The following KCNIP4 variants were observed in gnomAD, a reference collection of about 807,000 sequenced individuals.
KCNIP4 encodes the protein Kv channel-interacting protein 4.
A neutral mutation model predicts 34.0 loss-of-function variants in KCNIP4; 12 were observed. The ratio of observed to expected loss-of-function variants is 0.35; its 90% CI spans 0.23 to 0.57. The LOEUF is 0.57. Among genes scored for constraint, KCNIP4 ranks in the 20% least tolerant of loss-of-function variants. The pLI is 0.83. For missense variants in KCNIP4, 238 were observed against 311.7 expected (o/e 0.76, Z 1.78); for synonymous variants, 124 against 102.2 (o/e 1.21, Z -1.29).
Position 21,405,747 on chromosome 4 carries a change from G to A in KCNIP4, c.62-523038C>T, listed in dbSNP as rs1019094722. ...GCTTCAAATATGTAAACTGCATATA[G>A]TTTGTTGGGGCAGTCTGAGGTTGCT... On this transcript the variant is annotated intron_variant, in intron 1 of 8. Coordinates refer to ENST00000382152, the MANE Select transcript of KCNIP4 (RefSeq NM_025221.6). Among the ~76,000 whole-genome samples the A allele has an allele frequency of 2.6e-5, 4 of 152,218 alleles. No homozygotes were observed. The South Asian group carries it at 8.3e-4, about 31-fold the overall frequency.
chr4:21,216,113 G>C (rs910149677), intron 1 of KCNIP4, among the ~76,000 whole-genome samples: 4 of 152,154 alleles, frequency 2.6e-5, no homozygotes, highest in African/African-American at 9.7e-5. Context: ...ACAGTTCAAT[G>C]AATGCAAAGG....
intron 3 of KCNIP4, among the ~76,000 whole-genome samples, chr4:20,759,586 T>C (rs1754777552): frequency 6.6e-6 from 1 of 152,086 alleles, no homozygotes; most frequent in Admixed American, 6.6e-5. Context: ...ACAACTGACC[T>C]GGAGGGGCCA....
intron 1 of KCNIP4, among the ~76,000 whole-genome samples, chr4:21,397,089 T>G (rs1271449444): frequency 6.6e-5 from 10 of 152,178 alleles, no homozygotes. Flanking sequence ...TCAGAACCTA[T>G]AGCTGAGGCA....
chr4:21,088,698 C>T lies in KCNIP4; in HGVS notation c.62-205989G>A, dbSNP rs150030723. On this transcript the variant is annotated intron_variant, in intron 1 of 8. Transcript: ENST00000382152. ...CCCTACTCCTTCTTCCTATTAACTC[C>T]TCATCTTTTGGGTCTCAGAATCAAT... Among the ~76,000 whole-genome samples, 22 of 152,256 alleles carry T rather than the reference C, an allele frequency of 1.4e-4. No individual in the cohort carries two copies. The East Asian group carries it at 2.9e-3, about 20-fold the overall frequency.
chr4:21,601,134 G>T (rs536680792), intron 1 of KCNIP4, among the ~76,000 whole-genome samples: 6 of 150,816 alleles, frequency 4.0e-5, no homozygotes, highest in Non-Finnish European at 7.4e-5. Flanking sequence ...GTTCTATCTG[G>T]GCTTCCTAGC....
chr4:21,669,119 G>GCCTCCCTC (rs61679770), intron 1 of KCNIP4, among the ~76,000 whole-genome samples: 185 of 146,412 alleles, frequency 1.3e-3, no homozygotes, highest in Non-Finnish European at 2.2e-3. Context: ...GATTTTCCCT[G>GCCTCCCTC]CCTCCCTCCC....
intron 1 of KCNIP4, among the ~76,000 whole-genome samples, chr4:20,931,035 A>T (rs1730410897): frequency 6.6e-6 from 1 of 151,990 alleles, no homozygotes; most frequent in South Asian, 2.1e-4. Flanking sequence ...TCCTCTTTTG[A>T]GTAGGTAACC....
intron 1 of KCNIP4, among the ~76,000 whole-genome samples, chr4:21,593,872 G>A (rs1189502071): frequency 6.6e-6 from 1 of 152,124 alleles, no homozygotes; most frequent in Non-Finnish European, 1.5e-5. Flanking sequence ...CTGTTACTGA[G>A]TGAGCCATTA....
chr4:20,823,129 C>A (rs916463819), intron 3 of KCNIP4, among the ~76,000 whole-genome samples: 16 of 151,784 alleles, frequency 1.1e-4, no homozygotes, highest in African/African-American at 3.9e-4. Flanking sequence ...AATTTATAAA[C>A]AATAGAAATA....
chr4:21,630,271 C>A (rs1005022814), intron 1 of KCNIP4, among the ~76,000 whole-genome samples: 1 of 151,862 alleles, frequency 6.6e-6, no homozygotes, highest in Non-Finnish European at 1.5e-5. Flanking sequence ...TTGAGACCAT[C>A]CTGCCCAACA....
At chr4:21,099,432 G>A (rs576594526) in intron 1 of KCNIP4, among the ~76,000 whole-genome samples, 17 of 151,996 alleles carry the variant, frequency 1.1e-4, no homozygotes, top group Non-Finnish European at 2.2e-4. Flanking sequence ...TGGACACATC[G>A]GGGGGAACAA....
At chr4:21,002,365 G>A (rs1738208362) in intron 1 of KCNIP4, among the ~76,000 whole-genome samples, 1 of 152,150 alleles carries the variant, frequency 6.6e-6, no homozygotes, top group Admixed American at 6.5e-5. Flanking sequence ...AGTATGTTTT[G>A]CTGAAACTTA....
intron 1 of KCNIP4, among the ~76,000 whole-genome samples, chr4:21,085,497 A>T (rs753252867): frequency 4.6e-5 from 7 of 152,044 alleles, no homozygotes; most frequent in Non-Finnish European, 1.0e-4. Flanking sequence ...TGTATTTCTC[A>T]TGGCTTTTTG....
At chr4:21,852,593 A>C (rs1030223278) in intron 1 of KCNIP4, 7 of 152,184 alleles carry the variant, frequency 4.6e-5, no homozygotes, top group Non-Finnish European at 1.0e-4. Flanking sequence ...ATGTTCCCTA[A>C]TTAGAGATAG....
At chr4:21,669,964 C>T (rs576032756) in intron 1 of KCNIP4, among the ~76,000 whole-genome samples, 15 of 152,140 alleles carry the variant, frequency 9.9e-5, no homozygotes, top group Middle Eastern at 3.4e-3. Context: ...CCTTGGGAGA[C>T]GGAAAGATTT....
Position 21,930,180 on chromosome 4 carries a change from A to G in KCNIP4, c.61+18391T>C, listed in dbSNP as rs936675325. On this transcript the variant is annotated intron_variant, in intron 1 of 8. Coordinates refer to ENST00000382152, the MANE Select transcript of KCNIP4 (RefSeq NM_025221.6). Reference sequence around the variant, plus strand: ...TACTAAAGCAGCCATATCCTCAAGGATTCCGCTGAAGATTAAAGCTAGACA... The same window carrying G: ...TACTAAAGCAGCCATATCCTCAAGGGTTCCGCTGAAGATTAAAGCTAGACA... 2.6e-5 allele frequency among the ~76,000 whole-genome samples: 4 copies of G among 152,126 alleles called. No homozygotes were observed. The South Asian group carries it at 8.3e-4, about 31-fold the overall frequency.
chr4:21,429,459 A>C (rs1305572258), intron 1 of KCNIP4, among the ~76,000 whole-genome samples: 1 of 151,366 alleles, frequency 6.6e-6, no homozygotes, highest in African/African-American at 2.4e-5. Context: ...CTAGTAGGTT[A>C]TTGTGTAGAC....
chr4:21,827,310 T>G (rs919238227), intron 1 of KCNIP4, among the ~76,000 whole-genome samples: 1 of 152,046 alleles, frequency 6.6e-6, no homozygotes, highest in Non-Finnish European at 1.5e-5. Flanking sequence ...AAATGCATCC[T>G]TAGTAAAAAT....
intron 1 of KCNIP4, among the ~76,000 whole-genome samples, chr4:21,234,426 T>G (rs1269287933): frequency 2.3e-5 from 3 of 130,922 alleles, no homozygotes; most frequent in Admixed American, 8.5e-5. Flanking sequence ...ACTATATATA[T>G]TACATATAAC....
Sources: allele counts gnomAD v4.1 joint callset (sites outside exome capture counted in the v4.1 genomes callset), GRCh38; gene constraint gnomAD v4.1.1; transcripts MANE v1.5; gene names NCBI Gene and HGNC (gene_info 2026-07-23, HGNC 2026-07-21).